The following GNAZ variants were observed in gnomAD, a reference collection of about 807,000 sequenced individuals.
The protein encoded by GNAZ is G protein subunit alpha z.
Under a neutral mutation model 25.4 loss-of-function variants are expected in GNAZ, and 3 were observed. The observed-to-expected ratio is 0.12, with a 90% CI of 0.05 to 0.30. The LOEUF (loss-of-function observed/expected upper bound fraction) is 0.30, where lower values mean the gene tolerates loss of function less well. Ranked by LOEUF, GNAZ falls within the 10% of genes least tolerant of loss-of-function variation. The pLI is 1.00. For missense variants in GNAZ, 241 were observed against 501.8 expected, an observed-to-expected ratio of 0.48 and a Z score of 4.97; for synonymous variants, 211 against 205.7, an observed-to-expected ratio of 1.03 and a Z score of -0.22.
chr22:23,104,382 G>C (rs887466418), intron 2 of GNAZ, among the ~76,000 whole-genome samples: 1 of 152,172 alleles, frequency 6.6e-6, no homozygotes, highest in African/African-American at 2.4e-5. Flanking sequence ...TCTGCCTCGT[G>C]ATCAGGCTGG....
In GNAZ at chr22:23,116,674, G is replaced by A. The variant is rs145924416; in HGVS notation, c.724-6413G>A. On this transcript the variant is annotated intron_variant, in intron 2 of 2. Transcript: ENST00000615612. ...GGTGTAATGGACTGGAGGTCAGAAC[G>A]TGTGAGGCCCTGGATGAGCCTCTCA... 3.2e-3 allele frequency among the ~76,000 whole-genome samples: 481 copies of A among 152,312 alleles called. 3 individuals are homozygous for A. Among genetic ancestry groups the A allele is most frequent in the African/African-American group, 0.011 (450 of 41,566 alleles).
chr22:23,119,333 C>T lies in GNAZ; in HGVS notation c.724-3754C>T, dbSNP rs150037235. ...CCTCCTCTGCAGTTGATCTTTCAGA[C>T]CCAAATATGAGGCTCTTCTCTAGGT... On this transcript the variant is annotated intron_variant, in intron 2 of 2. Transcript: ENST00000615612. Among the ~76,000 whole-genome samples, 818 of 152,332 alleles carry T rather than the reference C, an allele frequency of 5.4e-3. 6 individuals carry two copies. The highest frequency in any genetic ancestry group is 7.8e-3 in the Admixed American group (120 of 15,308).
intron 1 of GNAZ, among the ~76,000 whole-genome samples, chr22:23,082,131 A>C (rs1011358181): frequency 3.3e-5 from 4 of 120,208 alleles, no homozygotes; most frequent in African/African-American, 1.9e-4. Flanking sequence ...CCTCAAAAAA[A>C]AAACAAAAAA....
chr22:23,076,431 G>A (rs767811027), intron 1 of GNAZ, among the ~76,000 whole-genome samples: 1 of 152,148 alleles, frequency 6.6e-6, no homozygotes, highest in Non-Finnish European at 1.5e-5. Context: ...GTGCTCGTGC[G>A]CTGCAGAACC....
chr22:23,123,470 C>A lies in GNAZ; in HGVS notation c.*39C>A. On this transcript the variant is annotated 3_prime_UTR_variant, in exon 3 of 3. Coordinates refer to ENST00000615612, the MANE Select transcript of GNAZ (RefSeq NM_002073.4). Reference sequence around the variant, plus strand: ...GGGCCCGCCTGCCTATGGTGAAACCCACGGGGTGTCATGCCCCAACGCGTG... The same window carrying A: ...GGGCCCGCCTGCCTATGGTGAAACCAACGGGGTGTCATGCCCCAACGCGTG... 1 of 1,382,246 alleles carries A rather than the reference C, an allele frequency of 7.2e-7. No individual in the cohort carries two copies. Among genetic ancestry groups the A allele is most frequent in the Non-Finnish European group, 1.0e-6 (1 of 985,730 alleles). 85.6% of individuals were successfully genotyped at this position (1,382,246 alleles called of 1,614,324 possible). A position where few individuals can be genotyped will look rare whatever the true frequency, so the allele number is the denominator to read the frequency against.
At chr22:23,079,869 G>A (rs1813839528) in intron 1 of GNAZ, among the ~76,000 whole-genome samples, 1 of 152,160 alleles carries the variant, frequency 6.6e-6, no homozygotes, top group Admixed American at 6.5e-5. Flanking sequence ...GCATGTAGTG[G>A]ACACCACTCA....
chr22:23,116,288 T>C (rs1392027689), intron 2 of GNAZ, among the ~76,000 whole-genome samples: 1 of 152,118 alleles, frequency 6.6e-6, no homozygotes, highest in African/African-American at 2.4e-5. Context: ...GAGGTGGAGC[T>C]GCGGGTGCAG....
At chr22:23,090,010 C>T (rs2146298424) in intron 1 of GNAZ, among the ~76,000 whole-genome samples, 1 of 152,232 alleles carries the variant, frequency 6.6e-6, no homozygotes, top group East Asian at 1.9e-4. Context: ...CGCACTAAGT[C>T]CTAAGCGACC....
At chr22:23,092,758 A>G (rs1026139081) in intron 1 of GNAZ, among the ~76,000 whole-genome samples, 2 of 152,212 alleles carry the variant, frequency 1.3e-5, no homozygotes, top group African/African-American at 4.8e-5. Flanking sequence ...GAGCACATAC[A>G]TCCCAAAGCA....
intron 1 of GNAZ, among the ~76,000 whole-genome samples, chr22:23,083,245 G>A (rs1344692597): frequency 6.6e-6 from 1 of 152,116 alleles, no homozygotes. Context: ...TGGGGTATTG[G>A]GGGTAGTAGG....
chr22:23,107,767 C>T (rs1427898979), intron 2 of GNAZ, among the ~76,000 whole-genome samples: 2 of 152,190 alleles, frequency 1.3e-5, no homozygotes, highest in Non-Finnish European at 2.9e-5. Flanking sequence ...CATTTTCATT[C>T]ACCAGAATAC....
At chr22:23,082,084 C>T (rs72617225) in intron 1 of GNAZ, among the ~76,000 whole-genome samples, 34,086 of 146,838 alleles carry the variant, frequency 0.23, 4,409 homozygotes, top group East Asian at 0.36. Flanking sequence ...GAGATCGTGC[C>T]GCTGCACTCC....
At chr22:23,122,344 A>G (rs1327214080) in intron 2 of GNAZ, 3 of 151,916 alleles carry the variant, frequency 2.0e-5, no homozygotes, top group Non-Finnish European at 4.4e-5. Context: ...GGCCCACCAC[A>G]CTCCTGTCCT....
At chr22:23,117,473 C>T (rs2069880273) in intron 2 of GNAZ, among the ~76,000 whole-genome samples, 1 of 152,224 alleles carries the variant, frequency 6.6e-6, no homozygotes, top group Admixed American at 6.5e-5. Context: ...CCACTCCGTC[C>T]GGCTGAGCTG....
At chr22:23,079,625 G>A (rs1398034927) in intron 1 of GNAZ, among the ~76,000 whole-genome samples, 1 of 152,252 alleles carries the variant, frequency 6.6e-6, no homozygotes. Context: ...ATTTTTACAA[G>A]GATGCCCCTG....
intron 1 of GNAZ, among the ~76,000 whole-genome samples, chr22:23,083,502 T>A (rs184978616): frequency 5.3e-5 from 8 of 152,312 alleles, no homozygotes; most frequent in Admixed American, 4.6e-4. Flanking sequence ...TTCCTCCATC[T>A]ATCCATCCAT....
At chr22:23,084,888 C>G (rs2068776135) in intron 1 of GNAZ, among the ~76,000 whole-genome samples, 1 of 152,226 alleles carries the variant, frequency 6.6e-6, no homozygotes, top group Non-Finnish European at 1.5e-5. Context: ...GTTTTGTGGT[C>G]ACCCTACCAT....
Position 23,123,724 on chromosome 22 carries a change from G to T in GNAZ, c.*293G>T. The T allele has an allele frequency of 2.5e-6, 1 of 404,920 alleles. No individual in the cohort carries two copies. The highest frequency in any genetic ancestry group is 4.5e-6 in the Non-Finnish European group (1 of 222,180). 25.1% of individuals were successfully genotyped at this position (404,920 alleles called of 1,614,324 possible). ...AGAAGCTGTCACAAGGTCACTACAAGCCCAACCTGCCCCTTCACTTTGCCT... is the reference window on the plus strand; with the variant it reads ...AGAAGCTGTCACAAGGTCACTACAATCCCAACCTGCCCCTTCACTTTGCCT... On this transcript the variant is annotated 3_prime_UTR_variant, in exon 3 of 3. Transcript: ENST00000615612.
chr22:23,077,432 C>T lies in GNAZ; in HGVS notation c.-450+6862C>T, dbSNP rs768714186. Among the ~76,000 whole-genome samples the T allele has an allele frequency of 3.4e-4, 52 of 152,210 alleles. 1 individual carries two copies. Among genetic ancestry groups the T allele is most frequent in the Non-Finnish European group, 4.7e-4 (32 of 68,050 alleles). On this transcript the variant is annotated intron_variant, in intron 1 of 2. Coordinates refer to ENST00000615612, the MANE Select transcript of GNAZ (RefSeq NM_002073.4). ...TGAATAAGTGAATGAGTGGTAGAGA[C>T]TCAACCACTCTACAAGGCCGGGAGC...
Sources: gnomAD v4.1 joint callset for allele counts (sites outside exome capture counted in the v4.1 genomes callset) on GRCh38, gnomAD v4.1.1 for gene constraint, MANE v1.5 for transcripts, NCBI Gene and HGNC (gene_info 2026-07-23, HGNC 2026-07-21) for gene names.